Variants in GNB5 observed in about 807,000 individuals in gnomAD.
GNB5 encodes G protein subunit beta 5, also known as guanine nucleotide-binding protein subunit beta-5.
A neutral mutation model predicts 55.3 loss-of-function variants in GNB5; 37 were observed. The ratio of observed to expected loss-of-function variants is 0.67; its 90% confidence interval spans 0.51 to 0.88. GNB5 has a LOEUF of 0.88. Ranked by LOEUF, GNB5 falls within the 40% of genes least tolerant of loss-of-function variation. The pLI is 0.00. For synonymous variants in GNB5, 219 were observed against 198.5 expected (o/e 1.10, Z -0.87); for missense variants, 476 against 515.3 (o/e 0.92, Z 0.74).
chr15:52,161,455 G>A (rs1320663203), intron 3 of GNB5, among the ~76,000 whole-genome samples: 3 of 152,116 alleles, frequency 2.0e-5, no homozygotes, highest in Non-Finnish European at 2.9e-5. Flanking sequence ...GCGCTACCAC[G>A]CCCGGCTAAT....
At chr15:52,156,262 A>G (rs1420319341) in intron 3 of GNB5, among the ~76,000 whole-genome samples, 1 of 152,188 alleles carries the variant, frequency 6.6e-6, no homozygotes, top group African/African-American at 2.4e-5. Flanking sequence ...TGTCCCCCTC[A>G]TAGTCTGAGC....
intron 1 of GNB5, 92 bp from the exon 2 acceptor site, chr15:52,184,786 T>A (rs541393347): frequency 1.9e-4 from 190 of 984,970 alleles, no homozygotes; most frequent in Middle Eastern, 1.2e-3. Context: ...GTGGTAGCTA[T>A]TCAGACGTCT....
intron 7 of GNB5, chr15:52,140,053 GT>G: frequency 1.0e-6 from 1 of 965,304 alleles, no homozygotes; most frequent in Non-Finnish European, 1.3e-6. Flanking sequence ...AAGATTCCTG[GT>G]TAGGCTCAAA....
At chr15:52,140,706 G>T (rs1003975036) in intron 7 of GNB5, among the ~76,000 whole-genome samples, 1 of 152,234 alleles carries the variant, frequency 6.6e-6, no homozygotes, top group African/African-American at 2.4e-5. Flanking sequence ...GTAGAGCAAA[G>T]ATTTAATATG....
At chr15:52,130,366 G>C (rs532264589) in intron 9 of GNB5, among the ~76,000 whole-genome samples, 2 of 152,326 alleles carry the variant, frequency 1.3e-5, no homozygotes, top group South Asian at 4.1e-4. Context: ...ATGGCCCACT[G>C]AATCAGTCCC....
chr15:52,124,662 G>GGT (rs1825051671), intron 11 of GNB5, 23 bp from the exon 12 acceptor site: 1 of 1,606,460 alleles, frequency 6.2e-7, no homozygotes, highest in South Asian at 1.1e-5. Context: ...TGAGATGATA[G>GGT]CTGTTAAGCC....
chr15:52,156,236 C>T (rs538947278), intron 3 of GNB5, among the ~76,000 whole-genome samples: 103 of 152,318 alleles, frequency 6.8e-4, no homozygotes, highest in African/African-American at 2.4e-3. Flanking sequence ...AAGCAGGTTC[C>T]CATGACCTTC....
intron 11 of GNB5, chr15:52,124,941 C>G: frequency 4.7e-6 from 1 of 213,278 alleles, no homozygotes; most frequent in East Asian, 1.0e-4. Context: ...ACTGCAGACA[C>G]AAGTAAATTA....
In GNB5 at chr15:52,122,383, T is replaced by G; in HGVS notation, c.*374A>C. 5.0e-6 allele frequency: 1 copy of G among 199,356 alleles called. No individual in the cohort carries two copies. Among genetic ancestry groups the G allele is most frequent in the Non-Finnish European group, 1.0e-5 (1 of 98,240 alleles). 12.3% of individuals were successfully genotyped at this position (199,356 alleles called of 1,614,324 possible). A position where few individuals can be genotyped will look rare whatever the true frequency, so the allele number is the denominator to read the frequency against. ...AGTGCACATCGAGAAATATCAGACT[T>G]TAAAGTGCTCTGAAAATGAATTGAT... is the stretch of plus-strand genomic sequence containing the variant. On this transcript the variant is annotated 3_prime_UTR_variant, in exon 13 of 13. Coordinates refer to ENST00000261837, the MANE Select transcript of GNB5 (RefSeq NM_016194.4).
intron 7 of GNB5, chr15:52,137,291 T>C: frequency 8.8e-7 from 1 of 1,134,032 alleles, no homozygotes; most frequent in Non-Finnish European, 1.1e-6. Flanking sequence ...AGTGCTGGGA[T>C]CCAGGTGTGC....
At chr15:52,139,565 T>C (rs967555280) in intron 7 of GNB5, 6 of 218,942 alleles carry the variant, frequency 2.7e-5, no homozygotes, top group African/African-American at 1.2e-4. Flanking sequence ...GAAAACCTTA[T>C]GCAGGACAGA....
At chr15:52,152,784 C>T (rs1399995222) in intron 4 of GNB5, among the ~76,000 whole-genome samples, 3 of 152,160 alleles carry the variant, frequency 2.0e-5, no homozygotes, top group Non-Finnish European at 4.4e-5. Flanking sequence ...GCACGCACCA[C>T]CATGCCCAGC....
chr15:52,161,784 T>C lies in GNB5; in HGVS notation c.239-7708A>G, dbSNP rs543181601. On this transcript the variant is annotated intron_variant, in intron 3 of 12. Coordinates refer to ENST00000261837, the MANE Select transcript of GNB5 (RefSeq NM_016194.4). ...CTGAGCACCTTTCGCAGGCTGGCCC[T>C]GTGCTGCGTGCCAGACTGAACATGA... is the stretch of plus-strand genomic sequence containing the variant. 1.4e-4 allele frequency among the ~76,000 whole-genome samples: 22 copies of C among 152,364 alleles called. 1 individual carries two copies. In the South Asian group the frequency reaches 4.4e-3, roughly 30 times the overall value.
At chr15:52,182,616 C>T (rs2034788165) in intron 2 of GNB5, among the ~76,000 whole-genome samples, 1 of 152,112 alleles carries the variant, frequency 6.6e-6, no homozygotes, top group African/African-American at 2.4e-5. Context: ...AGCTACATTC[C>T]ACAGTGGTTG....
At chr15:52,147,000 T>A (rs1304581103) in intron 6 of GNB5, among the ~76,000 whole-genome samples, 2 of 152,198 alleles carry the variant, frequency 1.3e-5, no homozygotes, top group Non-Finnish European at 2.9e-5. Flanking sequence ...GATCAAAGGC[T>A]ATCCATTTTT....
At chr15:52,148,186 CT>C (rs1409159392) in intron 5 of GNB5, among the ~76,000 whole-genome samples, 7 of 151,988 alleles carry the variant, frequency 4.6e-5, no homozygotes, top group African/African-American at 1.7e-4. Flanking sequence ...TATACTTTTC[CT>C]TATTTACTCT....
intron 7 of GNB5, chr15:52,137,262 C>T (rs2033745807): frequency 8.7e-7 from 1 of 1,148,972 alleles, no homozygotes; most frequent in Non-Finnish European, 1.1e-6. Context: ...AGACAAGGAT[C>T]AATGACAACA....
intron 3 of GNB5, among the ~76,000 whole-genome samples, chr15:52,171,359 G>A (rs2034551803): frequency 6.6e-6 from 1 of 151,844 alleles, no homozygotes; most frequent in South Asian, 2.1e-4. Flanking sequence ...ACACAAACAT[G>A]GAAACATAAG....
intron 6 of GNB5, among the ~76,000 whole-genome samples, chr15:52,143,627 C>A (rs1037482409): frequency 6.6e-6 from 1 of 152,170 alleles, no homozygotes; most frequent in African/African-American, 2.4e-5. Context: ...AGTTTGGAAA[C>A]AACTGAGAGG....
Sources: gnomAD v4.1 joint callset for allele counts (sites outside exome capture counted in the v4.1 genomes callset) on GRCh38, gnomAD v4.1.1 for gene constraint, MANE v1.5 for transcripts, NCBI Gene and HGNC (gene_info 2026-07-23, HGNC 2026-07-21) for gene names.